DGKG: variants seen among roughly 807,000 people sequenced by gnomAD.
The protein encoded by DGKG is DAG kinase gamma.
Under a neutral mutation model 105.3 loss-of-function variants are expected in DGKG, and 78 were observed. That is an observed-to-expected ratio of 0.74 (90% CI 0.62 to 0.89). DGKG has a LOEUF of 0.89. DGKG is among the 40% of genes least tolerant of loss of function. The pLI is 0.00. For synonymous variants in DGKG, 346 were observed against 367.1 expected, an observed-to-expected ratio of 0.94 and a Z score of 0.66; for missense variants, 958 against 1,020.1, an observed-to-expected ratio of 0.94 and a Z score of 0.83.
chr3:186,179,809 G>C (rs1717271386), intron 22 of DGKG, among the ~76,000 whole-genome samples: 1 of 152,184 alleles, frequency 6.6e-6, no homozygotes, highest in Non-Finnish European at 1.5e-5. Context: ...AGAAGAGTGA[G>C]AATTGGAGGC....
intron 1 of DGKG, among the ~76,000 whole-genome samples, chr3:186,335,215 G>T (rs2108655105): frequency 6.6e-6 from 1 of 152,046 alleles, no homozygotes; most frequent in East Asian, 1.9e-4. Flanking sequence ...GGGACAACAG[G>T]CGCCTACTAC....
chr3:186,260,285 G>A (rs964556717), intron 16 of DGKG, among the ~76,000 whole-genome samples, 154 bp downstream of exon 16: 5 of 151,948 alleles, frequency 3.3e-5, no homozygotes, highest in Admixed American at 3.3e-4. Context: ...CCAGGAGTCA[G>A]AGTCAGACGT....
chr3:186,251,674 A>C (rs995572993), intron 19 of DGKG, 85 bp downstream of exon 19: 5 of 1,512,988 alleles, frequency 3.3e-6, no homozygotes, highest in Non-Finnish European at 4.6e-6. Context: ...GGTAGACACT[A>C]GGGACCCAGA....
chr3:186,197,132 C>A (rs147684463), intron 21 of DGKG, among the ~76,000 whole-genome samples: 1 of 151,986 alleles, frequency 6.6e-6, no homozygotes, highest in Non-Finnish European at 1.5e-5. Context: ...CCTTTCTCAG[C>A]GAGTGAGAGA....
intron 23 of DGKG, among the ~76,000 whole-genome samples, chr3:186,164,052 G>A (rs1716421714): frequency 6.6e-6 from 1 of 152,208 alleles, no homozygotes; most frequent in South Asian, 2.1e-4. Flanking sequence ...GGAATGCAGT[G>A]TGGTGCCAAG....
At chr3:186,336,235 G>A (rs543567714) in intron 1 of DGKG, among the ~76,000 whole-genome samples, 2 of 152,040 alleles carry the variant, frequency 1.3e-5, no homozygotes, top group Non-Finnish European at 2.9e-5. Context: ...TCCCTTCCAC[G>A]AAGGGTGATC....
In DGKG at chr3:186,295,638, TAAAAAAAAAA is replaced by T. The variant is rs34829528; in HGVS notation, c.373+1773_373+1782del. Among the ~76,000 whole-genome samples the T allele has an allele frequency of 4.0e-3, 339 of 84,516 alleles. 5 individuals carry two copies. Among genetic ancestry groups the T allele is most frequent in the African/African-American group, 0.016 (327 of 20,002 alleles). 55.4% of individuals were successfully genotyped at this position (84,516 alleles called of 152,430 possible). A position where few individuals can be genotyped will look rare whatever the true frequency, so the allele number is the denominator to read the frequency against. ...TTTTCAATAAAATGATAATGCACAG[TAAAAAAAAAA>T]AAAAAAAAAAAAGGTCTGACTCTCT... is the stretch of plus-strand genomic sequence containing the variant. On this transcript the variant is annotated intron_variant, in intron 5 of 24. Coordinates refer to ENST00000265022, the MANE Select transcript of DGKG (RefSeq NM_001346.3).
intron 3 of DGKG, among the ~76,000 whole-genome samples, chr3:186,300,798 A>C (rs1007554239): frequency 5.3e-5 from 8 of 152,224 alleles, no homozygotes; most frequent in African/African-American, 1.7e-4. Flanking sequence ...TAAAAAACCA[A>C]AGCCAAAAGA....
At chr3:186,260,703 A>C (rs1259228465) in intron 15 of DGKG, among the ~76,000 whole-genome samples, 190 bp from the exon 16 acceptor site, 2 of 152,164 alleles carry the variant, frequency 1.3e-5, no homozygotes, top group African/African-American at 4.8e-5. Flanking sequence ...CACCCGTGTT[A>C]TCACTCCCGG....
chr3:186,245,587 G>A (rs989670851), intron 19 of DGKG, among the ~76,000 whole-genome samples: 2 of 152,226 alleles, frequency 1.3e-5, no homozygotes, highest in Non-Finnish European at 2.9e-5. Flanking sequence ...TCTGAAGGCA[G>A]GAGATGGGAA....
rs115499679 is a variant in DGKG, at chr3:186,329,886, A to G, written c.-248-9179T>C. 3.5e-3 allele frequency among the ~76,000 whole-genome samples: 529 copies of G among 152,318 alleles called. 3 individuals carry two copies. Among genetic ancestry groups the G allele is most frequent in the African/African-American group, 0.012 (506 of 41,556 alleles). ...ATTTACTGCAGTGCATGTACTTACC[A>G]ACTGTCTTCCCTACAGGACTTTGAA... On this transcript the variant is annotated intron_variant, in intron 1 of 24. Transcript: ENST00000265022.
chr3:186,262,744 T>A (rs918417941), intron 14 of DGKG, among the ~76,000 whole-genome samples: 10 of 152,228 alleles, frequency 6.6e-5, no homozygotes, highest in African/African-American at 2.4e-4. Context: ...CTAGAGTGTG[T>A]CTCTTGCATT....
intron 4 of DGKG, 41 bp downstream of exon 4, chr3:186,298,023 G>A: frequency 4.5e-6 from 7 of 1,568,060 alleles, no homozygotes; most frequent in Non-Finnish European, 6.0e-6. Flanking sequence ...GGGGATGAGA[G>A]CTGCGCAAGG....
At chr3:186,292,153 T>A (rs1723339320) in intron 5 of DGKG, among the ~76,000 whole-genome samples, 1 of 152,208 alleles carries the variant, frequency 6.6e-6, no homozygotes, top group African/African-American at 2.4e-5. Flanking sequence ...TGCCATGTCC[T>A]AAACCCTTTC....
chr3:186,178,328 A>ACACCATTATGG (rs1717190728), intron 22 of DGKG, among the ~76,000 whole-genome samples: 2 of 152,142 alleles, frequency 1.3e-5, no homozygotes, highest in Non-Finnish European at 2.9e-5. Context: ...TGTGGGATGG[A>ACACCATTATGG]GCTTAGGTGG....
intron 24 of DGKG, chr3:186,160,662 C>T (rs934697058): frequency 3.8e-5 from 37 of 985,302 alleles, no homozygotes; most frequent in African/African-American, 5.2e-5. Context: ...TCTGAATACT[C>T]CACTAGAGTG....
rs565917287 is a variant in DGKG at position 186,210,868 on chromosome 3, A to C, written c.1917+927T>G. 3.3e-5 allele frequency among the ~76,000 whole-genome samples: 5 copies of C among 152,366 alleles called. No homozygotes were observed. The East Asian group carries it at 9.6e-4, about 29-fold the overall frequency. ...CCACGGGAAGGTAGGCCTGGTAGCA[A>C]GAACTCTGGGCAAGAGAACCAATGG... On this transcript the variant is annotated intron_variant, in intron 21 of 24. Transcript: ENST00000265022. This position sits in a 1 kb window ranked among gnomAD's most constrained non-coding sequence, Gnocchi z 5.2.
chr3:186,174,077 CTT>C (rs1716956100), intron 22 of DGKG, among the ~76,000 whole-genome samples: 1 of 152,242 alleles, frequency 6.6e-6, no homozygotes, highest in Admixed American at 6.5e-5. Context: ...ACAGCACGAG[CTT>C]CGGACAGAGT....
intron 1 of DGKG, among the ~76,000 whole-genome samples, chr3:186,353,801 A>G (rs144557745): frequency 6.6e-6 from 1 of 152,206 alleles, no homozygotes; most frequent in East Asian, 1.9e-4. Context: ...TGCTCAGCAC[A>G]TATTTACTGA....
Sources: allele counts gnomAD v4.1 joint callset (sites outside exome capture counted in the v4.1 genomes callset), GRCh38; gene constraint gnomAD v4.1.1; non-coding constraint Gnocchi (gnomAD v3.1); transcripts MANE v1.5; gene names NCBI Gene and HGNC (gene_info 2026-07-23, HGNC 2026-07-21).